The following ST6GAL1 variants were observed in gnomAD, a reference collection of about 807,000 sequenced individuals.
ST6GAL1 encodes the protein ST6 beta-galactoside alpha-2,6-sialyltransferase 1.
ST6GAL1 carries 20 observed loss-of-function variants against 38.0 expected under a neutral mutation model. That is an observed-to-expected ratio of 0.53 (90% confidence interval 0.37 to 0.77). The LOEUF is 0.77. Ranked by LOEUF, ST6GAL1 falls within the 30% of genes least tolerant of loss-of-function variation. The probability of loss-of-function intolerance (pLI) is 0.00; values close to 1 mark genes in which losing one functional copy is unlikely to be tolerated. For missense variants in ST6GAL1, 432 were observed against 496.4 expected (o/e 0.87, Z 1.23); for synonymous variants, 196 against 188.2 (o/e 1.04, Z -0.34).
At position 187,076,976 on chromosome 3, in the gene ST6GAL1, G is replaced by GTTTT. The variant is rs778042990; in HGVS notation, c.*1182_*1185dup. The GTTTT allele has an allele frequency of 0.014, 5,069 of 374,664 alleles. 73 individuals are homozygous for GTTTT. Among genetic ancestry groups the GTTTT allele is most frequent in the African/African-American group, 0.06 (2,819 of 47,006 alleles). The allele number at this position is 374,664 out of a possible 1,614,324, so 23.2% of individuals were successfully genotyped here. A position where few individuals can be genotyped will look rare whatever the true frequency, so the allele number is the denominator to read the frequency against. On this transcript the variant is annotated 3_prime_UTR_variant, in exon 8 of 8. Coordinates refer to ENST00000169298, the MANE Select transcript of ST6GAL1 (RefSeq NM_173216.2). ...CCAAATCTTCTCCTAACCACCATCT[G>GTTTT]TTTTTTTTTTTTAAAGCATTTTTTG... is the stretch of plus-strand genomic sequence containing the variant.
chr3:187,025,828 AC>A (rs1314527462), intron 2 of ST6GAL1, among the ~76,000 whole-genome samples: 1 of 151,794 alleles, frequency 6.6e-6, no homozygotes, highest in Non-Finnish European at 1.5e-5. Context: ...GGGACACAAC[AC>A]CCCCCAACAA....
At chr3:187,013,792 C>T (rs1309193990) in intron 2 of ST6GAL1, among the ~76,000 whole-genome samples, 1 of 152,108 alleles carries the variant, frequency 6.6e-6, no homozygotes, top group African/African-American at 2.4e-5. Context: ...ACCATGTTGG[C>T]CAGGCTGGTC....
chr3:186,975,557 C>T (rs545093609), intron 2 of ST6GAL1, among the ~76,000 whole-genome samples: 1 of 152,338 alleles, frequency 6.6e-6, no homozygotes, highest in South Asian at 2.1e-4. Context: ...TTCAACCAGT[C>T]TCCCTCTGCC....
intron 4 of ST6GAL1, among the ~76,000 whole-genome samples, chr3:187,049,295 A>G (rs893185360): frequency 1.3e-5 from 2 of 152,198 alleles, no homozygotes; most frequent in African/African-American, 2.4e-5. Flanking sequence ...GAAGAAGACT[A>G]AGGTCAGGGC....
At chr3:186,936,056 C>T (rs1178519041) in intron 1 of ST6GAL1, among the ~76,000 whole-genome samples, 3 of 152,114 alleles carry the variant, frequency 2.0e-5, no homozygotes, top group South Asian at 2.1e-4. Flanking sequence ...ATTCTTTGTC[C>T]GAGGGAAGTC....
rs539188002 is a variant in ST6GAL1, at chr3:187,057,226, G to A, written c.705+5880G>A. ...ATCTAATCTTTTTTCAAGGTATTTA[G>A]CTTCCTTGCCATGGGTTTGAACATC... On this transcript the variant is annotated intron_variant, in intron 5 of 7. Coordinates refer to ENST00000169298, the MANE Select transcript of ST6GAL1 (RefSeq NM_173216.2). Among the ~76,000 whole-genome samples, 8 of 152,128 alleles carry A rather than the reference G, an allele frequency of 5.3e-5. No individual in the cohort carries two copies. In the South Asian group the frequency reaches 1.7e-3, roughly 32 times the overall value.
At chr3:187,001,680 G>A (rs1017586172) in intron 2 of ST6GAL1, among the ~76,000 whole-genome samples, 1 of 152,082 alleles carries the variant, frequency 6.6e-6, no homozygotes, top group Non-Finnish European at 1.5e-5. Flanking sequence ...ACAAACGGCC[G>A]GGCTCAGTGG....
At chr3:187,004,021 T>TG (rs1716702823) in intron 2 of ST6GAL1, among the ~76,000 whole-genome samples, 1 of 152,188 alleles carries the variant, frequency 6.6e-6, no homozygotes, top group South Asian at 2.1e-4. Flanking sequence ...GGGAGGTGTT[T>TG]GGGTCATGGG....
intron 2 of ST6GAL1, among the ~76,000 whole-genome samples, chr3:187,001,588 AT>A (rs1056351451): frequency 8.6e-5 from 13 of 151,672 alleles, no homozygotes; most frequent in Admixed American, 6.6e-4. Flanking sequence ...CTTCAGCATC[AT>A]GTTAGGGGTT....
At chr3:187,017,694 T>C (rs1454564670) in intron 2 of ST6GAL1, among the ~76,000 whole-genome samples, 1 of 152,214 alleles carries the variant, frequency 6.6e-6, no homozygotes, top group Non-Finnish European at 1.5e-5. Flanking sequence ...TGCACTTCAG[T>C]GATTCTGGCA....
At chr3:186,954,649 T>C (rs1029018577) in intron 1 of ST6GAL1, among the ~76,000 whole-genome samples, 2 of 152,232 alleles carry the variant, frequency 1.3e-5, no homozygotes, top group Non-Finnish European at 2.9e-5. Flanking sequence ...TGTCTGTTTA[T>C]GTCCTTTGCC....
chr3:187,071,802 G>C (rs974975282), intron 5 of ST6GAL1, among the ~76,000 whole-genome samples: 1 of 136,722 alleles, frequency 7.3e-6, no homozygotes, highest in Non-Finnish European at 1.6e-5. Flanking sequence ...AAAAGAAAAA[G>C]AAAATGAGGG....
At chr3:186,935,465 T>C (rs1319994220) in intron 1 of ST6GAL1, among the ~76,000 whole-genome samples, 3 of 152,204 alleles carry the variant, frequency 2.0e-5, no homozygotes, top group Admixed American at 1.3e-4. Flanking sequence ...AGTGAACATA[T>C]GCGCGCATGT....
chr3:187,064,753 C>T (rs371511275), intron 5 of ST6GAL1: 4 of 378,646 alleles, frequency 1.1e-5, no homozygotes, highest in African/African-American at 6.3e-5. Flanking sequence ...TATCATTGCC[C>T]TTTCTTACCT....
At chr3:186,990,391 C>T (rs116496743) in intron 2 of ST6GAL1, among the ~76,000 whole-genome samples, 2,599 of 152,300 alleles carry the variant, frequency 0.017, 86 homozygotes, top group African/African-American at 0.06. Context: ...CTGCCAGATT[C>T]TTAATGATCA....
At chr3:186,935,986 G>C (rs1463051522) in intron 1 of ST6GAL1, among the ~76,000 whole-genome samples, 2 of 141,702 alleles carry the variant, frequency 1.4e-5, no homozygotes, top group East Asian at 3.9e-4. Context: ...CAAACAGGTG[G>C]TGGGAGTGGA....
intron 2 of ST6GAL1, among the ~76,000 whole-genome samples, chr3:186,965,519 G>A (rs1207892121): frequency 6.6e-6 from 1 of 152,204 alleles, no homozygotes; most frequent in African/African-American, 2.4e-5. Context: ...TATCCTTGTA[G>A]AATTGTAGGT....
intron 2 of ST6GAL1, among the ~76,000 whole-genome samples, chr3:187,015,604 G>A (rs1005129589): frequency 3.9e-5 from 6 of 152,260 alleles, no homozygotes; most frequent in African/African-American, 7.2e-5. Flanking sequence ...TTGGGAGGCC[G>A]AGGTGGGTGG....
At chr3:187,025,464 C>T (rs1717504247) in intron 2 of ST6GAL1, 1 of 152,156 alleles carries the variant, frequency 6.6e-6, no homozygotes, top group Admixed American at 6.6e-5. Context: ...ATAGGCCCTT[C>T]CTGCGCTCTC....
Sources: allele counts gnomAD v4.1 joint callset (sites outside exome capture counted in the v4.1 genomes callset), GRCh38; gene constraint gnomAD v4.1.1; transcripts MANE v1.5; gene names NCBI Gene and HGNC (gene_info 2026-07-23, HGNC 2026-07-21).